Variants in KCNQ5 observed in about 807,000 individuals in gnomAD.
KCNQ5 encodes potassium voltage-gated channel subfamily Q member 5, also known as potassium voltage-gated channel subfamily KQT member 5.
KCNQ5 carries 30 observed loss-of-function variants against 98.2 expected under a neutral mutation model. The observed-to-expected ratio is 0.31, with a 90% CI of 0.23 to 0.41. The LOEUF is 0.41. KCNQ5 is among the 10% of genes least tolerant of loss of function. KCNQ5 has a pLI of 1.00. For synonymous variants in KCNQ5, 458 were observed against 449.4 expected, an observed-to-expected ratio of 1.02 and a Z score of -0.24; for missense variants, 835 against 1,182.5, an observed-to-expected ratio of 0.71 and a Z score of 4.31.
chr6:72,973,285 C>T (rs1042503939), intron 1 of KCNQ5, among the ~76,000 whole-genome samples: 2 of 129,956 alleles, frequency 1.5e-5, no homozygotes, highest in Non-Finnish European at 3.2e-5. Flanking sequence ...AATCTTTGCA[C>T]CTTCCTCTCA....
chr6:72,966,407 A>AC (rs1000869968), intron 1 of KCNQ5, among the ~76,000 whole-genome samples: 17 of 146,572 alleles, frequency 1.2e-4, no homozygotes, highest in African/African-American at 4.0e-4. Context: ...AAAAATAACA[A>AC]AAAAAAAAAA....
chr6:72,908,489 G>C (rs1779791422), intron 1 of KCNQ5, among the ~76,000 whole-genome samples: 1 of 152,012 alleles, frequency 6.6e-6, no homozygotes, highest in African/African-American at 2.4e-5. Context: ...AATAAAATTT[G>C]TAATTTGTAA....
At chr6:72,853,040 A>C (rs1777350636) in intron 1 of KCNQ5, among the ~76,000 whole-genome samples, 1 of 152,104 alleles carries the variant, frequency 6.6e-6, no homozygotes, top group South Asian at 2.1e-4. Flanking sequence ...TTTTTCCTGG[A>C]GAATTGATTA....
Position 73,192,615 on chromosome 6 carries a change from G to A in KCNQ5, c.1760G>A (p.Arg587Gln), listed in dbSNP as rs1255166079. ...KGQITSDKKS[R>Q]EKITAEHETT... ...CAAATCACATCAGATAAGAAGAGCC[G>A]AGAGAAAATAACAGCAGAACATGAG... Residue 587 changes from arginine to glutamine, a missense_variant, in exon 13 of 14, where the codon CGA becomes CAA. Arg to Gln is a conservative substitution (Grantham distance 43). Coordinates refer to ENST00000370398, the MANE Select transcript of KCNQ5 (RefSeq NM_019842.4). 28 of 1,611,912 alleles carry A rather than the reference G, an allele frequency of 1.7e-5. No individual in the cohort carries two copies. The highest frequency in any genetic ancestry group is 2.7e-5 in the African/African-American group (2 of 74,762).
At chr6:72,689,370 C>T (rs115918937) in intron 1 of KCNQ5, among the ~76,000 whole-genome samples, 154 of 152,324 alleles carry the variant, frequency 1.0e-3, no homozygotes, top group African/African-American at 3.5e-3. Context: ...AAGCATTCTT[C>T]GATCTCAAGC....
At chr6:72,753,718 CAT>C (rs1424521954) in intron 1 of KCNQ5, among the ~76,000 whole-genome samples, 1 of 152,072 alleles carries the variant, frequency 6.6e-6, no homozygotes, top group Non-Finnish European at 1.5e-5. Flanking sequence ...GTTTGCCACT[CAT>C]AGCTCAAGTG....
At chr6:72,884,312 ACT>A (rs1778769026) in intron 1 of KCNQ5, among the ~76,000 whole-genome samples, 2 of 152,148 alleles carry the variant, frequency 1.3e-5, no homozygotes, top group African/African-American at 4.8e-5. Context: ...GTTTTTATAG[ACT>A]CTTGAAAATT....
chr6:72,655,753 T>G (rs1766158637), intron 1 of KCNQ5, among the ~76,000 whole-genome samples: 1 of 152,158 alleles, frequency 6.6e-6, no homozygotes, highest in African/African-American at 2.4e-5. Flanking sequence ...GAAGAGCCAT[T>G]AATGGATTTT....
At chr6:72,761,392 A>T (rs530641127) in intron 1 of KCNQ5, among the ~76,000 whole-genome samples, 10 of 151,996 alleles carry the variant, frequency 6.6e-5, no homozygotes, top group Non-Finnish European at 1.2e-4. Context: ...GACTAGTTAA[A>T]TGATTAATTG....
At chr6:72,972,143 A>G (rs1315153584) in intron 1 of KCNQ5, among the ~76,000 whole-genome samples, 2 of 152,170 alleles carry the variant, frequency 1.3e-5, no homozygotes, top group Non-Finnish European at 2.9e-5. Context: ...CTAACCAACA[A>G]GTGCCTCAGC....
intron 1 of KCNQ5, among the ~76,000 whole-genome samples, chr6:72,754,095 T>C (rs979119495): frequency 2.6e-5 from 4 of 152,176 alleles, no homozygotes; most frequent in African/African-American, 7.2e-5. Flanking sequence ...ATTCTTGCCA[T>C]ATTCCTGGTC....
chr6:73,169,548 G>A (rs1472476289), intron 10 of KCNQ5, among the ~76,000 whole-genome samples, 198 bp from the exon 11 acceptor site: 1 of 152,156 alleles, frequency 6.6e-6, no homozygotes, highest in Non-Finnish European at 1.5e-5. Flanking sequence ...GTTCAGAAAA[G>A]TATTCATATT....
chr6:73,073,997 G>A (rs2150388034), intron 3 of KCNQ5, among the ~76,000 whole-genome samples: 1 of 152,238 alleles, frequency 6.6e-6, no homozygotes, highest in Non-Finnish European at 1.5e-5. Flanking sequence ...ATTAACCTGA[G>A]TATTTTAGGT....
rs79359355 is a variant in KCNQ5, at chr6:72,657,093, G to A, written c.398+34506G>A. 3.9e-4 allele frequency among the ~76,000 whole-genome samples: 59 copies of A among 152,136 alleles called. No homozygotes were observed. In the East Asian group the frequency reaches 9.1e-3, roughly 23 times the overall value. On this transcript the variant is annotated intron_variant, in intron 1 of 13. Transcript: ENST00000370398. ...GGCGTGGTGGTGAATGTCTATAGTC[G>A]TAGCTACTCAAGAGATTGAGGCAAG...
chr6:72,653,454 G>A (rs2154472499), intron 1 of KCNQ5, among the ~76,000 whole-genome samples: 1 of 152,146 alleles, frequency 6.6e-6, no homozygotes, highest in Middle Eastern at 3.4e-3. Flanking sequence ...ATACCCAAAA[G>A]AGGAAGCTAA....
intron 7 of KCNQ5, 97 bp downstream of exon 7, chr6:73,111,500 C>T: frequency 1.2e-6 from 1 of 801,774 alleles, no homozygotes; most frequent in Non-Finnish European, 2.1e-6. Flanking sequence ...GGTAGAACTA[C>T]TGCTTTGTTC....
At chr6:73,086,458 C>T (rs1170508103) in intron 5 of KCNQ5, among the ~76,000 whole-genome samples, 1 of 152,036 alleles carries the variant, frequency 6.6e-6, no homozygotes, top group Non-Finnish European at 1.5e-5. Context: ...ATCAGGAAGC[C>T]GCCACCCCTT....
intron 1 of KCNQ5, among the ~76,000 whole-genome samples, chr6:72,981,935 G>T (rs1768480231): frequency 1.3e-5 from 2 of 152,140 alleles, no homozygotes; most frequent in Admixed American, 1.3e-4. Flanking sequence ...TCAGGAGCAG[G>T]TTGTTCAGTT....
At chr6:72,649,196 C>A (rs562020376) in intron 1 of KCNQ5, among the ~76,000 whole-genome samples, 1 of 152,192 alleles carries the variant, frequency 6.6e-6, no homozygotes, top group African/African-American at 2.4e-5. Flanking sequence ...AGTCCCTGGC[C>A]AATACTGTTG....
Sources: allele counts gnomAD v4.1 joint callset (sites outside exome capture counted in the v4.1 genomes callset), GRCh38; gene constraint gnomAD v4.1.1; transcripts MANE v1.5; gene names NCBI Gene and HGNC (gene_info 2026-07-23, HGNC 2026-07-21).